NSD1: variants seen among roughly 807,000 people sequenced by gnomAD.
NSD1 encodes nuclear receptor binding SET domain protein 1.
In NSD1, 26 loss-of-function variants were observed where a neutral mutation model predicts 242.7. The ratio of observed to expected loss-of-function variants is 0.11; its 90% CI spans 0.08 to 0.15. NSD1 has a LOEUF of 0.15. Among genes scored for constraint, NSD1 ranks in the 10% least tolerant of loss-of-function variants. The pLI is 1.00. For synonymous variants in NSD1, 1,106 were observed against 1,178.1 expected (o/e 0.94, Z 1.25); for missense variants, 2,495 against 3,272.8 (o/e 0.76, Z 5.80).
chr5:177,207,091 C>A (rs1762931777), intron 4 of NSD1, among the ~76,000 whole-genome samples: 1 of 151,958 alleles, frequency 6.6e-6, no homozygotes, highest in Non-Finnish European at 1.5e-5. Context: ...CTTGCGCCAC[C>A]ACGCCCTGCT....
chr5:177,299,391 G>A lies in NSD1; in HGVS notation c.*3932G>A, dbSNP rs751160296. On this transcript the variant is annotated 3_prime_UTR_variant, in exon 23 of 23. Transcript: ENST00000439151. ...GGCCCAGTGCAATCCAGAGGTGGAA[G>A]AGATCCTATATCCAGGTGAAGGTGG... The A allele has an allele frequency of 8.6e-6, 2 of 233,162 alleles. No individual in the cohort carries two copies. The highest frequency in any genetic ancestry group is 1.7e-5 in the Non-Finnish European group (2 of 118,060). 14.4% of individuals were successfully genotyped at this position (233,162 alleles called of 1,614,324 possible). A position where few individuals can be genotyped will look rare whatever the true frequency, so the allele number is the denominator to read the frequency against.
chr5:177,265,106 AAAG>A, intron 14 of NSD1: 1 of 751,858 alleles, frequency 1.3e-6, no homozygotes. Context: ...ATGATCAGAA[AAAG>A]AAGCCAAAGA....
At chr5:177,277,446 A>G (rs1414534208) in intron 17 of NSD1, among the ~76,000 whole-genome samples, 1 of 152,124 alleles carries the variant, frequency 6.6e-6, no homozygotes, top group Non-Finnish European at 1.5e-5. Flanking sequence ...TGGCCTGCAA[A>G]GCCTGAAGTG....
chr5:177,173,350 T>A (rs982721177), intron 2 of NSD1, among the ~76,000 whole-genome samples: 7 of 150,934 alleles, frequency 4.6e-5, no homozygotes, highest in Admixed American at 2.0e-4. Context: ...CTACAAGAAG[T>A]CTATTGGAAT....
chr5:177,255,554 T>G (rs1462824483), intron 12 of NSD1, among the ~76,000 whole-genome samples: 1 of 152,130 alleles, frequency 6.6e-6, no homozygotes, highest in Non-Finnish European at 1.5e-5. Context: ...GATAGAGGTC[T>G]GTGGTTTTTG....
At chr5:177,183,055 G>A (rs954645889) in intron 2 of NSD1, among the ~76,000 whole-genome samples, 4 of 152,132 alleles carry the variant, frequency 2.6e-5, no homozygotes, top group Non-Finnish European at 4.4e-5. Flanking sequence ...GGGATTACAG[G>A]TGTGAACCCC....
At chr5:177,233,576 A>G (rs1450500431) in intron 5 of NSD1, among the ~76,000 whole-genome samples, 3 of 131,722 alleles carry the variant, frequency 2.3e-5, no homozygotes, top group Non-Finnish European at 4.7e-5. Flanking sequence ...ACAGGCTTTC[A>G]CCATATTGGC....
chr5:177,200,861 T>C (rs1762459702), intron 3 of NSD1, among the ~76,000 whole-genome samples: 1 of 152,140 alleles, frequency 6.6e-6, no homozygotes, highest in Non-Finnish European at 1.5e-5. Context: ...TTCTGAACAG[T>C]GTTTCTATAA....
In NSD1 at chr5:177,297,233, C is replaced by A. The variant is rs1267517549; in HGVS notation, c.*1774C>A. ...TTTCACTGAGACCTCGGAATCTCCT[C>A]TGTGAATTCCACCTGCCTAGTTCTC... On this transcript the variant is annotated 3_prime_UTR_variant, in exon 23 of 23. Transcript: ENST00000439151. 1 of 232,322 alleles carries A rather than the reference C, an allele frequency of 4.3e-6. No individual in the cohort carries two copies. Among genetic ancestry groups the A allele is most frequent in the African/African-American group, 2.2e-5 (1 of 45,278 alleles). 14.4% of individuals were successfully genotyped at this position (232,322 alleles called of 1,614,324 possible). A position where few individuals can be genotyped will look rare whatever the true frequency, so the allele number is the denominator to read the frequency against.
rs772816105 is a variant in NSD1, at chr5:177,211,643, G to T, written c.3244G>T (p.Ala1082Ser). Reference sequence around the variant, plus strand: ...ACGTGGAGGTTCATTGAGAGGTGGGGCAGAAGATCCTAGTAAAGAGGATCC... The same window carrying T: ...ACGTGGAGGTTCATTGAGAGGTGGGTCAGAAGATCCTAGTAAAGAGGATCC... Reference protein sequence around the residue: ...RERGGSLRGGAEDPSKEDPLQ... With the variant: ...RERGGSLRGGSEDPSKEDPLQ... Residue 1082 changes from alanine (A) to serine (S), a missense_variant, in exon 5 of 23, where the codon GCA becomes TCA. By Grantham distance (99) the Ala-to-Ser change is moderately conservative (BLOSUM62 1). Coordinates refer to ENST00000439151, the MANE Select transcript of NSD1 (RefSeq NM_022455.5). 21 of 1,614,110 alleles carry T rather than the reference G, an allele frequency of 1.3e-5. No individual in the cohort carries two copies. Among genetic ancestry groups the T allele is most frequent in the Non-Finnish European group, 1.7e-5 (20 of 1,180,024 alleles).
intron 14 of NSD1, chr5:177,266,189 G>T: frequency 9.6e-7 from 1 of 1,040,848 alleles, no homozygotes; most frequent in Non-Finnish European, 1.5e-6. Context: ...TCGTAGAAGA[G>T]GCAGTTAGCC....
rs1383468691 is a variant in NSD1 at position 177,134,514 on chromosome 5, G to A, written c.-18+562G>A. On this transcript the variant is annotated intron_variant, in intron 1 of 22. Transcript: ENST00000439151. The surrounding 1 kb of genome is among the most constrained non-coding windows in gnomAD (Gnocchi z 4.2). ...TCGCCCTGCAGCTGCGGATCCAGCA[G>A]GCCTGCATTCAGGAAGGCGAGCTCT... Among the ~76,000 whole-genome samples the A allele has an allele frequency of 6.6e-6, 1 of 152,174 alleles. No individual in the cohort carries two copies. The highest frequency in any genetic ancestry group is 1.5e-5 in the Non-Finnish European group (1 of 68,016).
chr5:177,199,510 GCCT>G (rs1182644805), intron 3 of NSD1, among the ~76,000 whole-genome samples: 1 of 152,148 alleles, frequency 6.6e-6, no homozygotes, highest in Non-Finnish European at 1.5e-5. Flanking sequence ...TCTTGCCTTG[GCCT>G]CAAAAAGTGT....
At chr5:177,243,775 C>G (rs1190809706) in intron 8 of NSD1, among the ~76,000 whole-genome samples, 2 of 152,074 alleles carry the variant, frequency 1.3e-5, no homozygotes, top group Non-Finnish European at 2.9e-5. Context: ...TCACTGCAAC[C>G]TCTGCCTCTC....
In NSD1 at chr5:177,191,885, G is replaced by T. The variant is rs1476091410; in HGVS notation, c.929G>T (p.Cys310Phe). The change falls in exon 3 of 23, where the codon TGT (cysteine) becomes TTT (phenylalanine). Residue 310 changes from cysteine (C) to phenylalanine (F), a missense_variant and splice_region_variant. Cys to Phe is a radical substitution (Grantham distance 205). Transcript: ENST00000439151. ...GCCCCATGTTTTGTCTGTCTAAAGTGTCAACCTAAGAAAAAGTCTACGCCA... is the reference window on the plus strand; with the variant it reads ...GCCCCATGTTTTGTCTGTCTAAAGTTTCAACCTAAGAAAAAGTCTACGCCA... ...SSSTSQELPFCQPKKKSTPLK... is the reference protein window; with the variant it reads ...SSSTSQELPFFQPKKKSTPLK... The T allele has an allele frequency of 6.2e-7, 1 of 1,613,954 alleles. No homozygotes were observed.
intron 20 of NSD1, among the ~76,000 whole-genome samples, chr5:177,286,366 C>T (rs530582413): frequency 6.6e-6 from 1 of 152,362 alleles, no homozygotes; most frequent in East Asian, 1.9e-4. Flanking sequence ...TTGAGCATCA[C>T]TGTGCACTGC....
At chr5:177,281,372 A>C (rs1487100790) in intron 18 of NSD1, among the ~76,000 whole-genome samples, 1 of 146,690 alleles carries the variant, frequency 6.8e-6, no homozygotes, top group African/African-American at 2.5e-5. Context: ...TATTCTGGTT[A>C]CATTTTCTGA....
At chr5:177,163,839 C>A (rs1758952605) in intron 2 of NSD1, among the ~76,000 whole-genome samples, 1 of 152,158 alleles carries the variant, frequency 6.6e-6, no homozygotes, top group Admixed American at 6.6e-5. Context: ...AGTGATGGTG[C>A]TGGTATTCCA....
At chr5:177,257,851 TG>T (rs1225612455) in intron 13 of NSD1, among the ~76,000 whole-genome samples, 1 of 150,862 alleles carries the variant, frequency 6.6e-6, no homozygotes, top group Non-Finnish European at 1.5e-5. Flanking sequence ...TATTTTTTTT[TG>T]AGACGGAGTC....
Sources: gnomAD v4.1 joint callset for allele counts (sites outside exome capture counted in the v4.1 genomes callset) on GRCh38, gnomAD v4.1.1 for gene constraint, Gnocchi (gnomAD v3.1) non-coding constraint, MANE v1.5 for transcripts, NCBI Gene and HGNC (gene_info 2026-07-23, HGNC 2026-07-21) for gene names.